Variants in DCP1A observed in about 807,000 individuals in gnomAD.
DCP1A encodes decapping mRNA 1A.
In DCP1A, 20 loss-of-function variants were observed where a neutral mutation model predicts 58.0. The ratio of observed to expected loss-of-function variants is 0.34; its 90% CI spans 0.24 to 0.50. The LOEUF (loss-of-function observed/expected upper bound fraction) is 0.50, where lower values mean the gene tolerates loss of function less well. Among genes scored for constraint, DCP1A ranks in the 20% least tolerant of loss-of-function variants. The pLI is 0.98. For missense variants in DCP1A, 613 were observed against 712.2 expected (o/e 0.86, Z 1.59); for synonymous variants, 285 against 275.1 (o/e 1.04, Z -0.36).
At chr3:53,321,057 T>C (rs1156500974) in intron 3 of DCP1A, among the ~76,000 whole-genome samples, 1 of 152,232 alleles carries the variant, frequency 6.6e-6, no homozygotes, top group Non-Finnish European at 1.5e-5. Context: ...AGGACTCTCA[T>C]TCAGTCTAGG....
chr3:53,332,165 C>G (rs566127747), intron 3 of DCP1A, among the ~76,000 whole-genome samples: 21 of 152,286 alleles, frequency 1.4e-4, no homozygotes, highest in South Asian at 4.1e-4. Flanking sequence ...TGTATGAACC[C>G]CATAGCTACC....
At chr3:53,339,498 A>T (rs1553692321) in intron 3 of DCP1A, among the ~76,000 whole-genome samples, 1 of 152,248 alleles carries the variant, frequency 6.6e-6, no homozygotes, top group Non-Finnish European at 1.5e-5. Flanking sequence ...AAATATTGAC[A>T]TTTTAATGCC....
intron 3 of DCP1A, among the ~76,000 whole-genome samples, chr3:53,324,973 G>GT (rs1186579657): frequency 6.6e-6 from 1 of 151,708 alleles, no homozygotes; most frequent in Non-Finnish European, 1.5e-5. Context: ...AACATTAAAT[G>GT]TTTCCTTTGC....
At chr3:53,317,657 C>T (rs1299120855) in intron 4 of DCP1A, among the ~76,000 whole-genome samples, 1 of 151,882 alleles carries the variant, frequency 6.6e-6, no homozygotes, top group African/African-American at 2.4e-5. Context: ...TTGAGACTAG[C>T]CTGGGCAATA....
rs782128608 is a variant in DCP1A at position 53,292,861 on chromosome 3, G to A, written c.625-34C>T. The A allele has an allele frequency of 5.0e-5, 79 of 1,572,672 alleles. No individual in the cohort carries two copies. In the East Asian group the frequency reaches 1.6e-3, roughly 32 times the overall value. ...CAAATGAAACCACCCAGTCAAAGAG[G>A]TCTGTTATAAATCAGCATAACCAAA... On this transcript the variant is annotated intron_variant, in intron 6 of 9. Transcript: ENST00000610213.
At chr3:53,341,237 A>G (rs1473074882) in intron 3 of DCP1A, among the ~76,000 whole-genome samples, 1 of 152,016 alleles carries the variant, frequency 6.6e-6, no homozygotes, top group Non-Finnish European at 1.5e-5. Context: ...GGCAGATCAC[A>G]AGGTCAGGAG....
At position 53,347,492 on chromosome 3, in the gene DCP1A, T is replaced by C. The variant is rs1553693313; in HGVS notation, c.26A>G (p.Gln9Arg). The change falls in exon 1 of 10, where the codon CAG becomes CGG. Residue 9 changes from glutamine (Q) to arginine (R), a missense_variant. Physicochemically the swap from Gln to Arg is conservative, Grantham distance 43. Around this residue, in one of 3 missense-constraint regions of DCP1A, gnomAD observed 50 missense variants for 37.0 expected, o/e 1.35. Transcript: ENST00000610213. ...CTTCAGGGCCGCTAGGCTCATCTCC[T>C]GCCCAGCTCGACTCAGCGCCTCCAT... MEALSRAG[Q>R]EMSLAALKQH... is the part of the protein sequence containing the mutation. The C allele has an allele frequency of 6.2e-7, 1 of 1,613,044 alleles. No homozygotes were observed. The highest frequency in any genetic ancestry group is 8.5e-7 in the Non-Finnish European group (1 of 1,179,360).
At chr3:53,329,382 G>C in intron 3 of DCP1A, 1 of 398,484 alleles carries the variant, frequency 2.5e-6, no homozygotes, top group Non-Finnish European at 4.4e-6. Context: ...ATCGATGCCC[G>C]ATATAAAGGA....
chr3:53,293,079 C>G (rs1359609058), intron 6 of DCP1A, among the ~76,000 whole-genome samples: 1 of 152,060 alleles, frequency 6.6e-6, no homozygotes, highest in African/African-American at 2.4e-5. Flanking sequence ...GATCAGAATT[C>G]ACCATTCTTT....
chr3:53,333,703 A>G (rs1351392188), intron 3 of DCP1A, among the ~76,000 whole-genome samples: 6 of 152,210 alleles, frequency 3.9e-5, no homozygotes, highest in African/African-American at 1.4e-4. Flanking sequence ...ATCTGTCACT[A>G]TAATTAGGGA....
chr3:53,327,856 C>T (rs1708154823), intron 3 of DCP1A, among the ~76,000 whole-genome samples: 1 of 151,494 alleles, frequency 6.6e-6, no homozygotes, highest in Non-Finnish European at 1.5e-5. Context: ...GGCGTGGTGG[C>T]TCACGTCTGT....
At chr3:53,329,537 A>G in intron 3 of DCP1A, 1 of 393,488 alleles carries the variant, frequency 2.5e-6, no homozygotes, top group Non-Finnish European at 4.5e-6. Flanking sequence ...CAAGCTAAAG[A>G]GCAACATATT....
At chr3:53,317,814 T>C (rs1312989912) in intron 4 of DCP1A, among the ~76,000 whole-genome samples, 4 of 152,228 alleles carry the variant, frequency 2.6e-5, no homozygotes, top group African/African-American at 9.6e-5. Context: ...TACAAGTTCA[T>C]ACAGAACGAT....
At chr3:53,340,310 C>CATCTGA (rs2089184512) in intron 3 of DCP1A, among the ~76,000 whole-genome samples, 1 of 152,060 alleles carries the variant, frequency 6.6e-6, no homozygotes, top group African/African-American at 2.4e-5. Context: ...TAAATAAATC[C>CATCTGA]ATCTGAACTT....
chr3:53,317,457 G>A lies in DCP1A; in HGVS notation c.371+1950C>T, dbSNP rs534791994. Among the ~76,000 whole-genome samples the A allele has an allele frequency of 3.3e-5, 5 of 152,340 alleles. No individual in the cohort carries two copies. In the South Asian group the frequency reaches 8.3e-4, roughly 25 times the overall value. On this transcript the variant is annotated intron_variant, in intron 4 of 9. Coordinates refer to ENST00000610213, the MANE Select transcript of DCP1A (RefSeq NM_018403.7). ...TAGGATTACAGGCGTGAGCCACCGC[G>A]CCCAGCCAACCCTGTGTCTTCTAGG...
At chr3:53,303,315 G>T (rs1707369534) in intron 6 of DCP1A, among the ~76,000 whole-genome samples, 1 of 152,100 alleles carries the variant, frequency 6.6e-6, no homozygotes, top group African/African-American at 2.4e-5. Context: ...TGCTCAGACT[G>T]GAGTGCACTG....
chr3:53,317,243 G>A (rs1367476875), intron 4 of DCP1A, among the ~76,000 whole-genome samples: 4 of 152,056 alleles, frequency 2.6e-5, no homozygotes, highest in African/African-American at 7.2e-5. Flanking sequence ...TTGGCTCACC[G>A]CAACCTCCAG....
intron 5 of DCP1A, among the ~76,000 whole-genome samples, chr3:53,306,321 A>G (rs376407295): frequency 6.6e-6 from 1 of 152,240 alleles, no homozygotes; most frequent in Non-Finnish European, 1.5e-5. Context: ...ACTATCAACC[A>G]TATCAACCCC....
chr3:53,325,962 C>A (rs907724083), intron 3 of DCP1A, among the ~76,000 whole-genome samples: 8 of 152,190 alleles, frequency 5.3e-5, no homozygotes, highest in Admixed American at 1.3e-4. Flanking sequence ...AAAACCCACT[C>A]ATTTCAGACC....
Sources: allele counts gnomAD v4.1 joint callset (sites outside exome capture counted in the v4.1 genomes callset), GRCh38; gene constraint gnomAD v4.1.1; regional missense constraint gnomAD v4.1.1; transcripts MANE v1.5; gene names NCBI Gene and HGNC (gene_info 2026-07-23, HGNC 2026-07-21).